Variants in TFCP2L1 observed in about 807,000 individuals in gnomAD.
TFCP2L1 encodes transcription factor CP2-like protein 1.
In TFCP2L1, 12 loss-of-function variants were observed where a neutral mutation model predicts 72.2. The observed-to-expected ratio is 0.17, with a 90% CI of 0.11 to 0.27. The LOEUF (loss-of-function observed/expected upper bound fraction) is 0.27, where lower values mean the gene tolerates loss of function less well. Ranked by LOEUF, TFCP2L1 falls within the 10% of genes least tolerant of loss-of-function variation. TFCP2L1 has a pLI of 1.00. For missense variants in TFCP2L1, 488 were observed against 624.6 expected (o/e 0.78, Z 2.33); for synonymous variants, 260 against 251.0 (o/e 1.04, Z -0.34).
intron 3 of TFCP2L1, 27 bp downstream of exon 3, chr2:121,249,544 G>A (rs1686562353): frequency 1.2e-6 from 2 of 1,610,982 alleles, no homozygotes; most frequent in Non-Finnish European, 1.7e-6. Flanking sequence ...TCTCCCCGAG[G>A]CAATGAGAAC....
At chr2:121,246,793 G>A (rs773323495) in intron 6 of TFCP2L1, 25 bp downstream of exon 6, 19 of 1,613,674 alleles carry the variant, frequency 1.2e-5, no homozygotes, top group East Asian at 4.5e-5. Flanking sequence ...AGCAGGGCAC[G>A]GCAGAGCCTG....
rs1685897884 is a variant in TFCP2L1, at chr2:121,219,829, A to C, written c.*4512T>G. 1 of 152,162 alleles carries C rather than the reference A, an allele frequency of 6.6e-6. No homozygotes were observed. Among genetic ancestry groups the C allele is most frequent in the South Asian group, 2.1e-4 (1 of 4,828 alleles). 9.4% of individuals were successfully genotyped at this position (152,162 alleles called of 1,614,324 possible). ...AAACCCCTCAGATTCATTTCATGGCAGGTTGGTGCCATCTTCAGAGATCAC... is the reference window on the plus strand; with the variant it reads ...AAACCCCTCAGATTCATTTCATGGCCGGTTGGTGCCATCTTCAGAGATCAC... On this transcript the variant is annotated 3_prime_UTR_variant, in exon 15 of 15. Coordinates refer to ENST00000263707, the MANE Select transcript of TFCP2L1 (RefSeq NM_014553.3).
In TFCP2L1 at chr2:121,259,046, G is replaced by A. The variant is rs576607252; in HGVS notation, c.215-9399C>T. 3.3e-5 allele frequency among the ~76,000 whole-genome samples: 5 copies of A among 152,254 alleles called. No individual in the cohort carries two copies. The East Asian group carries it at 5.8e-4, about 18-fold the overall frequency. On this transcript the variant is annotated intron_variant, in intron 2 of 14. Transcript: ENST00000263707. ...GTGGATCACTTGAGGTCAGGAGTTC[G>A]AGACCAGCCTGACCAATATGGTGAA...
intron 1 of TFCP2L1, among the ~76,000 whole-genome samples, chr2:121,284,113 T>C (rs1687318844): frequency 6.6e-6 from 1 of 152,224 alleles, no homozygotes; most frequent in Admixed American, 6.5e-5. Flanking sequence ...GGGCCAAAAC[T>C]AGCACTTAAA....
At chr2:121,258,792 C>T (rs751774319) in intron 2 of TFCP2L1, among the ~76,000 whole-genome samples, 16 of 152,182 alleles carry the variant, frequency 1.1e-4, no homozygotes, top group Non-Finnish European at 1.6e-4. Flanking sequence ...AAGGCAAAAA[C>T]CTGCTACGGG....
intron 10 of TFCP2L1, 46 bp downstream of exon 10, chr2:121,237,577 T>C (rs1457356662): frequency 4.4e-6 from 7 of 1,600,710 alleles, no homozygotes; most frequent in African/African-American, 4.0e-5. Flanking sequence ...CCTTGAAGTG[T>C]CTCCAAGATA....
chr2:121,231,453 C>T (rs1169827537), intron 13 of TFCP2L1, among the ~76,000 whole-genome samples: 3 of 152,326 alleles, frequency 2.0e-5, no homozygotes, highest in South Asian at 2.1e-4. Flanking sequence ...GCCACAGCCT[C>T]GCCAACACCT....
In TFCP2L1 at chr2:121,242,083, CAAA is replaced by C. The variant is rs541937558; in HGVS notation, c.768+273_768+275del. Among the ~76,000 whole-genome samples the C allele has an allele frequency of 2.5e-3, 164 of 65,456 alleles. 1 individual carries two copies. The highest frequency in any genetic ancestry group is 0.016 in the South Asian group (28 of 1,724). The allele number at this position is 65,456 out of a possible 152,430, so 42.9% of individuals were successfully genotyped here. On this transcript the variant is annotated intron_variant, in intron 7 of 14. Transcript: ENST00000263707. ...AAACCATGTGAATACATTACCTACT[CAAA>C]AAAAAAAAAAAAAAAAAAAAAAGGG...
chr2:121,278,503 T>A (rs1458078945), intron 2 of TFCP2L1, among the ~76,000 whole-genome samples: 3 of 148,542 alleles, frequency 2.0e-5, no homozygotes, highest in Non-Finnish European at 4.5e-5. Context: ...CTGGCCAACA[T>A]GGTGAAACCC....
chr2:121,253,192 G>A (rs1188123172), intron 2 of TFCP2L1, among the ~76,000 whole-genome samples: 3 of 152,170 alleles, frequency 2.0e-5, no homozygotes, highest in African/African-American at 7.2e-5. Context: ...CCATTAGGAA[G>A]GTCTCTGGTC....
chr2:121,227,720 T>C (rs1007565353), intron 13 of TFCP2L1, among the ~76,000 whole-genome samples: 6 of 147,312 alleles, frequency 4.1e-5, no homozygotes, highest in South Asian at 2.2e-4. Flanking sequence ...AAACATACAA[T>C]ACACACACAC....
intron 1 of TFCP2L1, among the ~76,000 whole-genome samples, chr2:121,284,705 C>A (rs1573406111): frequency 6.6e-6 from 1 of 152,200 alleles, no homozygotes; most frequent in Non-Finnish European, 1.5e-5. Flanking sequence ...TTCTCCGATA[C>A]GCGGGGGAGA....
chr2:121,265,186 T>C (rs1045874249), intron 2 of TFCP2L1, among the ~76,000 whole-genome samples: 1 of 152,170 alleles, frequency 6.6e-6, no homozygotes, highest in Non-Finnish European at 1.5e-5. Flanking sequence ...TGAAGACCCT[T>C]AAAAACATGA....
Position 121,256,421 on chromosome 2 carries a change from T to C in TFCP2L1, c.215-6774A>G, listed in dbSNP as rs141243794. Among the ~76,000 whole-genome samples, 6 of 152,290 alleles carry C rather than the reference T, an allele frequency of 3.9e-5. No individual in the cohort carries two copies. In the East Asian group the frequency reaches 1.2e-3, roughly 29 times the overall value. ...CGATGGGTCCATCTTTTCTCAATAG[T>C]GTGGGATAACTGGTTATCCATATGG... On this transcript the variant is annotated intron_variant, in intron 2 of 14. Coordinates refer to ENST00000263707, the MANE Select transcript of TFCP2L1 (RefSeq NM_014553.3).
At chr2:121,228,580 C>T (rs1457576626) in intron 13 of TFCP2L1, among the ~76,000 whole-genome samples, 1 of 149,882 alleles carries the variant, frequency 6.7e-6, no homozygotes, top group Non-Finnish European at 1.5e-5. Context: ...GGCAACATGG[C>T]GAAATGTTGT....
chr2:121,234,891 G>A (rs900959732), intron 11 of TFCP2L1, among the ~76,000 whole-genome samples: 12 of 152,258 alleles, frequency 7.9e-5, no homozygotes, highest in East Asian at 1.9e-4. Flanking sequence ...GAGCAGCTCC[G>A]AGCCCAGGAC....
chr2:121,256,708 G>A (rs376901246), intron 2 of TFCP2L1, among the ~76,000 whole-genome samples: 3 of 151,674 alleles, frequency 2.0e-5, no homozygotes, highest in African/African-American at 7.3e-5. Flanking sequence ...ACCAGGAGGC[G>A]GAGGTTGCAG....
chr2:121,270,809 C>A (rs2104751341), intron 2 of TFCP2L1, among the ~76,000 whole-genome samples: 1 of 151,650 alleles, frequency 6.6e-6, no homozygotes, highest in African/African-American at 2.4e-5. Context: ...CTCTAGGCTG[C>A]AGTGAGCTAT....
At chr2:121,268,383 TCTCA>T (rs1686976409) in intron 2 of TFCP2L1, among the ~76,000 whole-genome samples, 1 of 152,066 alleles carries the variant, frequency 6.6e-6, no homozygotes, top group Non-Finnish European at 1.5e-5. Context: ...AGTAACAGGG[TCTCA>T]CTGTTACCCA....
Sources: gnomAD v4.1 joint callset for allele counts (sites outside exome capture counted in the v4.1 genomes callset) on GRCh38, gnomAD v4.1.1 for gene constraint, MANE v1.5 for transcripts, NCBI Gene and HGNC (gene_info 2026-07-23, HGNC 2026-07-21) for gene names.